The following FBXL20 variants were observed in gnomAD, a reference collection of about 807,000 sequenced individuals.
FBXL20 encodes F-box/LRR-repeat protein 20.
In FBXL20, 11 loss-of-function variants were observed where a neutral mutation model predicts 64.0. The ratio of observed to expected loss-of-function variants is 0.17; its 90% CI spans 0.11 to 0.28. FBXL20 has a LOEUF of 0.28. Ranked by LOEUF, FBXL20 falls within the 10% of genes least tolerant of loss-of-function variation. The pLI is 1.00. For missense variants in FBXL20, 303 were observed against 526.2 expected (o/e 0.58, Z 4.15); for synonymous variants, 184 against 189.0 (o/e 0.97, Z 0.22).
At chr17:39,379,929 TGATCGCATCATGG>T (rs2048006191) in intron 1 of FBXL20, among the ~76,000 whole-genome samples, 2 of 152,114 alleles carry the variant, frequency 1.3e-5, no homozygotes, top group South Asian at 4.1e-4. Flanking sequence ...CAGTGAGCCA[TGATCGCATCATGG>T]CACTCCAGCC....
At chr17:39,325,578 G>A (rs1316251971) in intron 2 of FBXL20, among the ~76,000 whole-genome samples, 1 of 152,046 alleles carries the variant, frequency 6.6e-6, no homozygotes, top group East Asian at 1.9e-4. Flanking sequence ...GTTATATTTG[G>A]GACCCTCAGA....
intron 1 of FBXL20, among the ~76,000 whole-genome samples, chr17:39,345,076 T>C (rs1455585203): frequency 6.6e-6 from 1 of 152,282 alleles, no homozygotes; most frequent in South Asian, 2.1e-4. Context: ...CACATACACA[T>C]GTGACCGAAG....
At chr17:39,309,231 T>G (rs1051569046) in intron 2 of FBXL20, among the ~76,000 whole-genome samples, 3 of 152,188 alleles carry the variant, frequency 2.0e-5, no homozygotes, top group Non-Finnish European at 4.4e-5. Flanking sequence ...AAAAATATTA[T>G]GCTTCTAAAG....
chr17:39,364,358 A>T (rs954197906), intron 1 of FBXL20, among the ~76,000 whole-genome samples: 2 of 152,130 alleles, frequency 1.3e-5, no homozygotes, highest in African/African-American at 2.4e-5. Flanking sequence ...CACGCCTGTA[A>T]TCCCAACAAT....
chr17:39,303,853 CTT>C (rs1297049086), intron 2 of FBXL20, among the ~76,000 whole-genome samples: 1 of 151,970 alleles, frequency 6.6e-6, no homozygotes, highest in Non-Finnish European at 1.5e-5. Context: ...TACCTGGCTA[CTT>C]TTTAATTTTT....
intron 2 of FBXL20, among the ~76,000 whole-genome samples, chr17:39,336,099 A>G (rs1384784030): frequency 2.0e-5 from 3 of 146,820 alleles, no homozygotes. Context: ...TAGGCAACAG[A>G]GTGAGAGCCT....
intron 6 of FBXL20, among the ~76,000 whole-genome samples, chr17:39,293,985 T>G (rs891548341): frequency 6.6e-6 from 1 of 151,968 alleles, no homozygotes; most frequent in Admixed American, 6.6e-5. Context: ...AATGCCTCAG[T>G]CACAAAGTGA....
intron 14 of FBXL20, 114 bp downstream of exon 14, chr17:39,264,061 A>T: frequency 1.7e-6 from 2 of 1,153,660 alleles, no homozygotes; most frequent in Non-Finnish European, 1.2e-6. Context: ...TTCCCTTGTT[A>T]AATGTTCAAG....
chr17:39,261,897 A>G (rs2046749614), intron 14 of FBXL20, among the ~76,000 whole-genome samples: 1 of 152,006 alleles, frequency 6.6e-6, no homozygotes. Flanking sequence ...CCAGGCTAAC[A>G]TGGTGAAACC....
At chr17:39,367,153 G>C (rs1339617378) in intron 1 of FBXL20, among the ~76,000 whole-genome samples, 1 of 152,052 alleles carries the variant, frequency 6.6e-6, no homozygotes, top group East Asian at 1.9e-4. Context: ...AAAGTGCTGG[G>C]ATTGTAGGCA....
At chr17:39,351,813 G>C (rs192788575) in intron 1 of FBXL20, among the ~76,000 whole-genome samples, 1 of 152,230 alleles carries the variant, frequency 6.6e-6, no homozygotes, top group African/African-American at 2.4e-5. Flanking sequence ...CATGCAAGCA[G>C]ACACTGTGAT....
chr17:39,390,564 A>T (rs1324040443), intron 1 of FBXL20, among the ~76,000 whole-genome samples: 1 of 139,994 alleles, frequency 7.1e-6, no homozygotes, highest in Non-Finnish European at 1.6e-5. Context: ...CTCCATCTTA[A>T]AAAAAAAAAA....
intron 6 of FBXL20, among the ~76,000 whole-genome samples, chr17:39,294,203 G>A (rs2047064997): frequency 6.6e-6 from 1 of 151,758 alleles, no homozygotes; most frequent in Non-Finnish European, 1.5e-5. Flanking sequence ...TCAAACTCCT[G>A]GTCTCAAGTA....
chr17:39,326,717 T>C (rs985147991), intron 2 of FBXL20, among the ~76,000 whole-genome samples: 7 of 151,728 alleles, frequency 4.6e-5, no homozygotes, highest in African/African-American at 1.7e-4. Context: ...ACTCCTGGCC[T>C]CAAGCAATCC....
At chr17:39,289,961 T>TGG (rs1379763829) in intron 6 of FBXL20, among the ~76,000 whole-genome samples, 12 of 124,048 alleles carry the variant, frequency 9.7e-5, no homozygotes, top group Admixed American at 2.2e-4. Context: ...ACTGTGCCAC[T>TGG]GCACTCCAGC....
intron 6 of FBXL20, among the ~76,000 whole-genome samples, chr17:39,287,111 C>T (rs1318531441): frequency 6.6e-6 from 1 of 151,792 alleles, no homozygotes; most frequent in Non-Finnish European, 1.5e-5. Context: ...CGGGTTTTCA[C>T]CATGTTGGCC....
rs539423912 is a variant in FBXL20, at chr17:39,374,929, G to A, written c.42+26432C>T. On this transcript the variant is annotated intron_variant, in intron 1 of 14. Coordinates refer to ENST00000264658, the MANE Select transcript of FBXL20 (RefSeq NM_032875.3). ...AGCCTCCCGAGCAGCCGGGACTACA[G>A]GCGCGTGCCACCACACCCAGCTAAT... Among the ~76,000 whole-genome samples, 4 of 152,244 alleles carry A rather than the reference G, an allele frequency of 2.6e-5. No individual in the cohort carries two copies. The South Asian group carries it at 8.3e-4, about 32-fold the overall frequency.
chr17:39,292,639 T>TG (rs1567866667), intron 6 of FBXL20, among the ~76,000 whole-genome samples: 2 of 112,648 alleles, frequency 1.8e-5, no homozygotes, highest in African/African-American at 5.7e-5. Context: ...TTTCTTTTTT[T>TG]TGAGAGTTTT....
rs1204221388 is a variant in FBXL20 at position 39,258,398 on chromosome 17, A to G, written c.*3062T>C. 6.6e-6 allele frequency: 1 copy of G among 152,238 alleles called. No homozygotes were observed. The highest frequency in any genetic ancestry group is 1.5e-5 in the Non-Finnish European group (1 of 68,046). The allele number at this position is 152,238 out of a possible 1,614,324, so 9.4% of individuals were successfully genotyped here. On this transcript the variant is annotated 3_prime_UTR_variant, in exon 15 of 15. Transcript: ENST00000264658. ...AAATGTATTTCCTTCCAAGCTTGAT[A>G]GGCCTGAAGTTTTCTTGAGAAAGGA... is the stretch of plus-strand genomic sequence containing the variant.
Sources: gnomAD v4.1 joint callset for allele counts (sites outside exome capture counted in the v4.1 genomes callset) on GRCh38, gnomAD v4.1.1 for gene constraint, MANE v1.5 for transcripts, NCBI Gene and HGNC (gene_info 2026-07-23, HGNC 2026-07-21) for gene names.